The following PITPNC1 variants were observed in gnomAD, a reference collection of about 807,000 sequenced individuals.
PITPNC1 encodes cytoplasmic phosphatidylinositol transfer protein 1.
PITPNC1 carries 18 observed loss-of-function variants against 44.7 expected under a neutral mutation model. The observed-to-expected ratio is 0.40, with a 90% CI of 0.28 to 0.60. PITPNC1 has a LOEUF of 0.60. Among genes scored for constraint, PITPNC1 ranks in the 20% least tolerant of loss-of-function variants. PITPNC1 has a pLI of 0.39. For synonymous variants in PITPNC1, 141 were observed against 149.6 expected (o/e 0.94, Z 0.42); for missense variants, 290 against 418.4 (o/e 0.69, Z 2.68).
At chr17:67,434,811 A>T (rs1198549170) in intron 1 of PITPNC1, among the ~76,000 whole-genome samples, 2 of 150,652 alleles carry the variant, frequency 1.3e-5, no homozygotes, top group East Asian at 3.9e-4. Flanking sequence ...AAAAAAAAAA[A>T]AATAAAAAAA....
intron 5 of PITPNC1, among the ~76,000 whole-genome samples, chr17:67,590,858 C>T (rs1254737979): frequency 1.3e-5 from 2 of 151,676 alleles, no homozygotes; most frequent in East Asian, 1.9e-4. Context: ...GAGGCTGAGG[C>T]AGGAGAATCA....
intron 5 of PITPNC1, among the ~76,000 whole-genome samples, chr17:67,606,789 A>G (rs760849314): frequency 1.6e-4 from 24 of 152,066 alleles, no homozygotes; most frequent in Non-Finnish European, 3.1e-4. Flanking sequence ...CTTTTTATTA[A>G]AAAATAATAA....
intron 8 of PITPNC1, 55 bp from the exon 9 acceptor site, chr17:67,692,517 A>G (rs2042947497): frequency 2.4e-6 from 3 of 1,271,822 alleles, no homozygotes; most frequent in Non-Finnish European, 3.4e-6. Flanking sequence ...TGATGAATCT[A>G]TTTGCCTCTC....
Position 67,508,469 on chromosome 17 carries a change from A to C in PITPNC1, c.49-24333A>C, listed in dbSNP as rs574459703. On this transcript the variant is annotated intron_variant, in intron 1 of 8. Transcript: ENST00000581322. This position sits in a 1 kb window ranked among gnomAD's most constrained non-coding sequence, Gnocchi z 4.2. Reference sequence around the variant, plus strand: ...GGAGTGTAGCAGTGAGGACGACCAGAGGTCACTCCTGTCGCCATCTTGGTT... The same window carrying C: ...GGAGTGTAGCAGTGAGGACGACCAGCGGTCACTCCTGTCGCCATCTTGGTT... 2.0e-5 allele frequency among the ~76,000 whole-genome samples: 3 copies of C among 152,260 alleles called. No homozygotes were observed. Among genetic ancestry groups the C allele is most frequent in the South Asian group, 2.1e-4 (1 of 4,822 alleles).
intron 1 of PITPNC1, among the ~76,000 whole-genome samples, chr17:67,458,578 T>C (rs2039288565): frequency 6.6e-6 from 1 of 152,238 alleles, no homozygotes; most frequent in African/African-American, 2.4e-5. Flanking sequence ...TTTTAGTTTC[T>C]CATTTTTTGT....
chr17:67,600,472 T>C (rs985440395), intron 5 of PITPNC1, among the ~76,000 whole-genome samples: 2 of 151,832 alleles, frequency 1.3e-5, no homozygotes, highest in Non-Finnish European at 2.9e-5. Flanking sequence ...AATGAGAAAT[T>C]AGGAACCAAA....
chr17:67,612,863 G>A (rs1389374902), intron 5 of PITPNC1: 1 of 152,326 alleles, frequency 6.6e-6, no homozygotes, highest in Non-Finnish European at 1.5e-5. Context: ...GGAGTGAATA[G>A]AACTTCATGT....
chr17:67,378,221 C>G lies in PITPNC1; in HGVS notation c.48+19C>G. ...AGACGAGGTAAGCGCCGCGCCCGGCCCGGCCTCGCCCGCTCCGGGACCCCC... is the reference window on the plus strand; with the variant it reads ...AGACGAGGTAAGCGCCGCGCCCGGCGCGGCCTCGCCCGCTCCGGGACCCCC... On this transcript the variant is annotated intron_variant, in intron 1 of 8. Transcript: ENST00000581322. 6.8e-7 allele frequency: 1 copy of G among 1,481,150 alleles called. No individual in the cohort carries two copies. The highest frequency in any genetic ancestry group is 9.0e-7 in the Non-Finnish European group (1 of 1,112,918). 91.8% of individuals were successfully genotyped at this position (1,481,150 alleles called of 1,614,324 possible).
At chr17:67,440,222 T>C (rs985683649) in intron 1 of PITPNC1, among the ~76,000 whole-genome samples, 2 of 152,208 alleles carry the variant, frequency 1.3e-5, no homozygotes, top group Admixed American at 6.5e-5. Flanking sequence ...CACAATACTC[T>C]ACAATGAACA....
In PITPNC1 at chr17:67,632,257, G is replaced by A. The variant is rs2041980650; in HGVS notation, c.462+19G>A. 3 of 1,456,550 alleles carry A rather than the reference G, an allele frequency of 2.1e-6. No individual in the cohort carries two copies. Among genetic ancestry groups the A allele is most frequent in the Non-Finnish European group, 1.9e-6 (2 of 1,036,950 alleles). The allele number at this position is 1,456,550 out of a possible 1,614,324, so 90.2% of individuals were successfully genotyped here. On this transcript the variant is annotated intron_variant, in intron 6 of 8. Coordinates refer to ENST00000581322, the MANE Select transcript of PITPNC1 (RefSeq NM_012417.4). ...ATCTGAGGTAAGCAACAGTTGGGAT[G>A]AGATGTGGAAGATTCATTCATTCAT...
intron 1 of PITPNC1, among the ~76,000 whole-genome samples, chr17:67,454,351 T>A (rs2364977): frequency 0.039 from 5,894 of 152,214 alleles, 159 homozygotes; most frequent in South Asian, 0.072. Flanking sequence ...GATCTTTCAC[T>A]ACTTACATAA....
chr17:67,610,247 G>A (rs1054396799), intron 5 of PITPNC1, among the ~76,000 whole-genome samples: 3 of 152,160 alleles, frequency 2.0e-5, no homozygotes, highest in Admixed American at 1.3e-4. Context: ...TTTCCCAGGT[G>A]TTGTGTGCGC....
At chr17:67,692,235 G>A (rs532391482) in intron 8 of PITPNC1, among the ~76,000 whole-genome samples, 46 of 152,076 alleles carry the variant, frequency 3.0e-4, no homozygotes, top group African/African-American at 1.1e-3. Context: ...AGATGCACAC[G>A]GGTGCACACA....
chr17:67,607,302 C>T (rs1598879627), intron 5 of PITPNC1, among the ~76,000 whole-genome samples: 1 of 152,184 alleles, frequency 6.6e-6, no homozygotes, highest in Non-Finnish European at 1.5e-5. Flanking sequence ...ATGCCAGCCC[C>T]AGGAGTTATA....
At chr17:67,422,065 G>A (rs926251855) in intron 1 of PITPNC1, among the ~76,000 whole-genome samples, 3 of 152,120 alleles carry the variant, frequency 2.0e-5, no homozygotes, top group Non-Finnish European at 2.9e-5. Flanking sequence ...GAGCTGGTGT[G>A]ACTTGCAGGA....
intron 1 of PITPNC1, among the ~76,000 whole-genome samples, chr17:67,499,973 T>A (rs897508476): frequency 1.3e-5 from 2 of 152,250 alleles, no homozygotes. Flanking sequence ...TTTAAATAAA[T>A]GCATATACTG....
At chr17:67,603,860 G>A (rs1446353151) in intron 5 of PITPNC1, among the ~76,000 whole-genome samples, 1 of 151,872 alleles carries the variant, frequency 6.6e-6, no homozygotes, top group Non-Finnish European at 1.5e-5. Context: ...AACCAGGGAG[G>A]CAGAGGCTGC....
intron 1 of PITPNC1, among the ~76,000 whole-genome samples, chr17:67,472,777 G>C (rs1209536164): frequency 1.3e-5 from 2 of 152,138 alleles, no homozygotes; most frequent in African/African-American, 4.8e-5. Flanking sequence ...CTATTCATTA[G>C]AAGTGAGTCA....
At chr17:67,446,973 G>C (rs2916156) in intron 1 of PITPNC1, among the ~76,000 whole-genome samples, 127,373 of 151,172 alleles carry the variant, frequency 0.84, 54,348 homozygotes, top group African/African-American at 0.89. Context: ...ACCTGTAATC[G>C]CAGCTACTGG....
Sources: allele counts gnomAD v4.1 joint callset (sites outside exome capture counted in the v4.1 genomes callset), GRCh38; gene constraint gnomAD v4.1.1; non-coding constraint Gnocchi (gnomAD v3.1); transcripts MANE v1.5; gene names NCBI Gene and HGNC (gene_info 2026-07-23, HGNC 2026-07-21).